The following RIPOR3 variants were observed in gnomAD, a reference collection of about 807,000 sequenced individuals.
RIPOR3 encodes the protein RIPOR family member 3.
Under a neutral mutation model 114.3 loss-of-function variants are expected in RIPOR3, and 95 were observed. That is an observed-to-expected ratio of 0.83 (90% CI 0.70 to 0.99). The LOEUF (loss-of-function observed/expected upper bound fraction) is 0.99. RIPOR3 is among the 50% of genes least tolerant of loss of function. The pLI is 0.00. For missense variants in RIPOR3, 1,252 were observed against 1,266.9 expected (o/e 0.99, Z 0.18); for synonymous variants, 575 against 543.8 (o/e 1.06, Z -0.80).
intron 1 of RIPOR3, among the ~76,000 whole-genome samples, chr20:50,664,890 T>TCCC (rs2086129231): frequency 6.6e-6 from 1 of 150,478 alleles, no homozygotes. Flanking sequence ...TCACCTGAGG[T>TCCC]TAGGAGTTTG....
chr20:50,649,700 G>C (rs577407325), intron 1 of RIPOR3, among the ~76,000 whole-genome samples: 2 of 152,230 alleles, frequency 1.3e-5, no homozygotes, highest in African/African-American at 4.8e-5. Context: ...GCTCAGCCCA[G>C]TGGCAATTCC....
chr20:50,643,661 G>A (rs2085284797), intron 1 of RIPOR3, among the ~76,000 whole-genome samples: 1 of 151,600 alleles, frequency 6.6e-6, no homozygotes, highest in East Asian at 1.9e-4. Context: ...ATGGTGGTAT[G>A]TACTTGTAGT....
At chr20:50,621,367 TC>T (rs564270941) in intron 2 of RIPOR3, among the ~76,000 whole-genome samples, 235 of 152,252 alleles carry the variant, frequency 1.5e-3, no homozygotes, top group African/African-American at 5.3e-3. Flanking sequence ...CTGGGGCACC[TC>T]CCCAGCTCTG....
intron 2 of RIPOR3, among the ~76,000 whole-genome samples, chr20:50,621,511 T>C (rs1035671266): frequency 6.6e-6 from 1 of 152,220 alleles, no homozygotes; most frequent in African/African-American, 2.4e-5. Context: ...CAACATATTC[T>C]GCTCCCCTGG....
chr20:50,653,346 T>C (rs2085685045), intron 1 of RIPOR3: 1 of 152,158 alleles, frequency 6.6e-6, no homozygotes. Flanking sequence ...ATGGGGTTTC[T>C]TTCTGGGGTA....
intron 4 of RIPOR3, among the ~76,000 whole-genome samples, chr20:50,615,199 T>G (rs942434628): frequency 6.7e-6 from 1 of 148,798 alleles, no homozygotes; most frequent in African/African-American, 2.5e-5. Flanking sequence ...CAGGTGAGCC[T>G]TGGGCAACAC....
intron 20 of RIPOR3, 82 bp from the exon 21 acceptor site, chr20:50,587,974 C>T: frequency 7.6e-7 from 1 of 1,318,254 alleles, no homozygotes; most frequent in Non-Finnish European, 1.1e-6. Context: ...CCTGCAGGGC[C>T]AGTCCTAGCA....
At chr20:50,614,370 C>A (rs945850349) in intron 4 of RIPOR3, among the ~76,000 whole-genome samples, 1 of 152,168 alleles carries the variant, frequency 6.6e-6, no homozygotes, top group African/African-American at 2.4e-5. Flanking sequence ...ACTCATCTCC[C>A]CTCCTCGCTT....
At chr20:50,662,989 G>A (rs562639232) in intron 1 of RIPOR3, among the ~76,000 whole-genome samples, 7 of 151,846 alleles carry the variant, frequency 4.6e-5, no homozygotes, top group African/African-American at 1.7e-4. Context: ...CCAGTTACTC[G>A]GGAGACTGAA....
intron 17 of RIPOR3, among the ~76,000 whole-genome samples, chr20:50,593,775 A>C (rs1043360858): frequency 6.6e-6 from 1 of 152,098 alleles, no homozygotes; most frequent in African/African-American, 2.4e-5. Flanking sequence ...GGGAATATGC[A>C]TGTCAACAAG....
Position 50,651,331 on chromosome 20 carries a change from G to A in RIPOR3, c.4-20475C>T, listed in dbSNP as rs151011009. On this transcript the variant is annotated intron_variant, in intron 1 of 21. Transcript: ENST00000327979. ...AGATCCTCCAGACAAGAACTCAGCC[G>A]GACCAACATCTTGCATTTCAGCCTT... Among the ~76,000 whole-genome samples, 1,165 of 152,228 alleles carry A rather than the reference G, an allele frequency of 7.7e-3. 22 individuals carry two copies. The highest frequency in any genetic ancestry group is 0.026 in the African/African-American group (1,069 of 41,540).
At chr20:50,598,085 C>G (rs150040017) in intron 13 of RIPOR3, among the ~76,000 whole-genome samples, 4 of 152,206 alleles carry the variant, frequency 2.6e-5, no homozygotes, top group African/African-American at 9.6e-5. Context: ...GCTCATAGAT[C>G]GCCCAGTTCT....
At position 50,691,294 on chromosome 20, in the gene RIPOR3, C is replaced by A; in HGVS notation, c.-166G>T. ...CACTGGCCACCAGCCGCTGGTCCCG[C>A]TCTCTGGGAAGATCGCCTTGAGGAC... On this transcript the variant is annotated 5_prime_UTR_variant, in exon 1 of 22. Transcript: ENST00000327979. 2 of 874,196 alleles carry A rather than the reference C, an allele frequency of 2.3e-6. No individual in the cohort carries two copies. The highest frequency in any genetic ancestry group is 3.1e-5 in the South Asian group (2 of 65,150). The allele number at this position is 874,196 out of a possible 1,614,324, so 54.2% of individuals were successfully genotyped here.
At chr20:50,633,360 C>T (rs1446664757) in intron 1 of RIPOR3, among the ~76,000 whole-genome samples, 1 of 152,232 alleles carries the variant, frequency 6.6e-6, no homozygotes, top group Non-Finnish European at 1.5e-5. Flanking sequence ...AAATCAGCCA[C>T]AGTAAACGTA....
chr20:50,595,280 A>C, intron 16 of RIPOR3, 89 bp downstream of exon 16: 3 of 1,514,806 alleles, frequency 2.0e-6, no homozygotes, highest in Non-Finnish European at 2.7e-6. Context: ...AACTCTGGCT[A>C]TTAGGAAGGC....
At position 50,609,588 on chromosome 20, in the gene RIPOR3, C is replaced by T; in HGVS notation, c.561G>A (p.Leu187=). 1 of 1,421,654 alleles carries T rather than the reference C, an allele frequency of 7.0e-7. No individual in the cohort carries two copies. The highest frequency in any genetic ancestry group is 9.2e-7 in the Non-Finnish European group (1 of 1,091,592). 88.1% of individuals were successfully genotyped at this position (1,421,654 alleles called of 1,614,324 possible). Residue 187 remains leucine (L), a synonymous_variant, in exon 7 of 22, where the codon CTG becomes CTA. Coordinates refer to ENST00000327979, the MANE Select transcript of RIPOR3 (RefSeq NM_001290268.2). ...CCCGGCCCACCTCGGCGCACTCGTG[C>T]AGGCTGCGGCCCAGCTCCTGCAGGC... ...RESLQELGRS[L]HECAEDMWLI...
intron 1 of RIPOR3, among the ~76,000 whole-genome samples, chr20:50,642,745 TA>T (rs796386304): frequency 0.01 from 1,498 of 146,480 alleles, 18 homozygotes; most frequent in African/African-American, 0.033. Context: ...CACAGTGATT[TA>T]AAAAAAAAAA....
chr20:50,660,205 C>T (rs910942237), intron 1 of RIPOR3: 1 of 152,208 alleles, frequency 6.6e-6, no homozygotes, highest in Non-Finnish European at 1.5e-5. Flanking sequence ...TCACCTGAAA[C>T]CCACTCTACT....
At chr20:50,658,244 T>C (rs770515068) in intron 1 of RIPOR3, among the ~76,000 whole-genome samples, 3 of 152,182 alleles carry the variant, frequency 2.0e-5, no homozygotes, top group Non-Finnish European at 2.9e-5. Flanking sequence ...TGTGTATATA[T>C]GCAATGAGAT....
Sources: allele counts gnomAD v4.1 joint callset (sites outside exome capture counted in the v4.1 genomes callset), GRCh38; gene constraint gnomAD v4.1.1; transcripts MANE v1.5; gene names NCBI Gene and HGNC (gene_info 2026-07-23, HGNC 2026-07-21).